Variants in CEP104 observed in about 807,000 individuals in gnomAD.
CEP104 encodes the protein centrosomal protein of 104 kDa.
In CEP104, 84 loss-of-function variants were observed where a neutral mutation model predicts 113.3. The ratio of observed to expected loss-of-function variants is 0.74; its 90% CI spans 0.62 to 0.89. The LOEUF (loss-of-function observed/expected upper bound fraction) is 0.89, where lower values mean the gene tolerates loss of function less well. Ranked by LOEUF, CEP104 falls within the 40% of genes least tolerant of loss-of-function variation. CEP104 has a pLI of 0.00. For missense variants in CEP104, 1,053 were observed against 1,156.6 expected, an observed-to-expected ratio of 0.91 and a Z score of 1.30; for synonymous variants, 378 against 421.7, an observed-to-expected ratio of 0.90 and a Z score of 1.27.
At chr1:3,847,672 C>G (rs190867585) in intron 3 of CEP104, 59 bp from the exon 4 acceptor site, 32 of 1,572,104 alleles carry the variant, frequency 2.0e-5, no homozygotes, top group Non-Finnish European at 5.2e-6. Context: ...AAACTGCTCC[C>G]TACTCTGATT....
Position 3,819,333 on chromosome 1 carries a change from G to A in CEP104, c.2572-2963C>T, listed in dbSNP as rs889690277. 5.3e-5 allele frequency among the ~76,000 whole-genome samples: 8 copies of A among 152,174 alleles called. No homozygotes were observed. Among genetic ancestry groups the A allele is most frequent in the African/African-American group, 1.9e-4 (8 of 41,434 alleles). Reference sequence around the variant, plus strand: ...TGGAGAGGGGGCTGGGGAGAAAAGGGGCGGCATGTAGGCAGTGTTGTCTTT... The same window carrying A: ...TGGAGAGGGGGCTGGGGAGAAAAGGAGCGGCATGTAGGCAGTGTTGTCTTT... On this transcript the variant is annotated intron_variant, in intron 20 of 21. Transcript: ENST00000378230. The surrounding 1 kb of genome is among the most constrained non-coding windows in gnomAD (Gnocchi z 4.6).
In CEP104 at chr1:3,843,308, C is replaced by T. The variant is rs1442772911; in HGVS notation, c.566+1599G>A. 7.6e-6 allele frequency: 5 copies of T among 657,544 alleles called. No individual in the cohort carries two copies. The African/African-American group carries it at 9.7e-5, about 13-fold the overall frequency. 40.7% of individuals were successfully genotyped at this position (657,544 alleles called of 1,614,324 possible). On this transcript the variant is annotated intron_variant, in intron 6 of 21. Coordinates refer to ENST00000378230, the MANE Select transcript of CEP104 (RefSeq NM_014704.4). ...TTAGCTCCCCAAAAGTGGATTCACCCCCGGTTCTTACACTGCTAAAAAAAA... is the reference window on the plus strand; with the variant it reads ...TTAGCTCCCCAAAAGTGGATTCACCTCCGGTTCTTACACTGCTAAAAAAAA...
At chr1:3,839,363 G>A (rs1644372641) in intron 7 of CEP104, among the ~76,000 whole-genome samples, 1 of 152,114 alleles carries the variant, frequency 6.6e-6, no homozygotes, top group Admixed American at 6.5e-5. Flanking sequence ...ATTGGGCTCA[G>A]GGTCCTAGTA....
At chr1:3,855,766 G>T in intron 1 of CEP104, 2 of 327,650 alleles carry the variant, frequency 6.1e-6, no homozygotes, top group Non-Finnish European at 8.8e-6. Flanking sequence ...AAGATACTTG[G>T]AATGTCACTG....
intron 9 of CEP104, 47 bp from the exon 10 acceptor site, chr1:3,836,739 TCA>T (rs770482429): frequency 1.0e-5 from 16 of 1,568,756 alleles, no homozygotes; most frequent in Admixed American, 6.7e-5. Context: ...GCTCCATAGG[TCA>T]CATTCTCCAG....
At chr1:3,835,271 G>C (rs1570806781) in intron 10 of CEP104, among the ~76,000 whole-genome samples, 179 bp from the exon 11 acceptor site, 1 of 151,840 alleles carries the variant, frequency 6.6e-6, no homozygotes, top group East Asian at 1.9e-4. Context: ...TATATTTAGA[G>C]AAATAATTTT....
chr1:3,816,542 G>A (rs1004603048), intron 20 of CEP104, 172 bp from the exon 21 acceptor site: 8 of 587,664 alleles, frequency 1.4e-5, no homozygotes, highest in African/African-American at 1.3e-4. Context: ...TGTTATGATA[G>A]CCTCTGCAGT....
rs1307828553 is a variant in CEP104 at position 3,852,511 on chromosome 1, C to T, written c.-14-90G>A. 8 of 1,190,010 alleles carry T rather than the reference C, an allele frequency of 6.7e-6. No homozygotes were observed. In the South Asian group the frequency reaches 1.1e-4, roughly 16 times the overall value. 73.7% of individuals were successfully genotyped at this position (1,190,010 alleles called of 1,614,324 possible). A position where few individuals can be genotyped will look rare whatever the true frequency, so the allele number is the denominator to read the frequency against. ...AGGGTTGGTTCATGCCTTGCTAACA[C>T]ACACAATAATGCACTAAGTATTCAG... is the stretch of plus-strand genomic sequence containing the variant. On this transcript the variant is annotated intron_variant, in intron 1 of 21. Transcript: ENST00000378230.
intron 2 of CEP104, among the ~76,000 whole-genome samples, chr1:3,851,354 C>T (rs2124698440): frequency 6.6e-6 from 1 of 152,248 alleles, no homozygotes; most frequent in South Asian, 2.1e-4. Flanking sequence ...ATTCAATTTT[C>T]AGCAACTTGA....
intron 11 of CEP104, 74 bp from the exon 12 acceptor site, chr1:3,834,109 T>C (rs559911816): frequency 3.1e-5 from 37 of 1,198,154 alleles, no homozygotes; most frequent in Admixed American, 1.4e-4. Flanking sequence ...GCATTTACTA[T>C]CAGTAACACA....
At chr1:3,856,000 T>C in intron 1 of CEP104, 1 of 949,386 alleles carries the variant, frequency 1.1e-6, no homozygotes, top group South Asian at 4.9e-5. Flanking sequence ...CTTTTCCTAG[T>C]GCTGGCATGG....
At chr1:3,839,269 G>T in intron 7 of CEP104, 150 bp from the exon 8 acceptor site, 2 of 722,896 alleles carry the variant, frequency 2.8e-6, no homozygotes, top group Non-Finnish European at 4.7e-6. Flanking sequence ...CTCAGCAAAG[G>T]TCTGGCTGCT....
At chr1:3,825,940 G>A (rs1389242454) in intron 17 of CEP104, 74 bp from the exon 18 acceptor site, 12 of 1,008,932 alleles carry the variant, frequency 1.2e-5, no homozygotes, top group South Asian at 3.9e-5. Context: ...CCCACGTCAC[G>A]AGGAAATTCT....
At chr1:3,820,471 C>CA (rs1299576486) in intron 20 of CEP104, among the ~76,000 whole-genome samples, 3 of 152,136 alleles carry the variant, frequency 2.0e-5, no homozygotes, top group Non-Finnish European at 4.4e-5. Flanking sequence ...TGGAGGAAGG[C>CA]GGATGGAAGC....
At chr1:3,837,737 T>G (rs1386048021) in intron 8 of CEP104, among the ~76,000 whole-genome samples, 1 of 152,262 alleles carries the variant, frequency 6.6e-6, no homozygotes, top group Non-Finnish European at 1.5e-5. Flanking sequence ...TCTCTCCACA[T>G]TTCTGTGTTG....
In CEP104 at chr1:3,825,752, C is replaced by G; in HGVS notation, c.2364+6G>C. On this transcript the variant is annotated splice_donor_region_variant and intron_variant, in intron 18 of 21. Transcript: ENST00000378230. ...AAGTAGCTGGCTGCTGTGCCGCTGG[C>G]CTGACCTGTTTGCAGTGGTCACATC... The G allele has an allele frequency of 6.3e-7, 1 of 1,595,230 alleles. No homozygotes were observed.
At chr1:3,845,663 C>T (rs764067386) in intron 4 of CEP104, among the ~76,000 whole-genome samples, 2 of 152,096 alleles carry the variant, frequency 1.3e-5, no homozygotes, top group Non-Finnish European at 1.5e-5. Flanking sequence ...ACACTGTTAT[C>T]AAATGGGATG....
Position 3,848,518 on chromosome 1 carries a change from C to T in CEP104, c.287+90G>A, listed in dbSNP as rs551096694. On this transcript the variant is annotated intron_variant, in intron 3 of 21. Coordinates refer to ENST00000378230, the MANE Select transcript of CEP104 (RefSeq NM_014704.4). ...CTGCACTCCAGCCTGGGTGACACAG[C>T]GAGACTCCATCTCAAAAAAAAAAAA... 631 of 1,052,924 alleles carry T rather than the reference C, an allele frequency of 6.0e-4. 1 individual carries two copies. The African/African-American group carries it at 9.6e-3, about 16-fold the overall frequency. 65.2% of individuals were successfully genotyped at this position (1,052,924 alleles called of 1,614,324 possible).
At chr1:3,852,448 T>C (rs781323501) in intron 1 of CEP104, 27 bp from the exon 2 acceptor site, 2 of 1,588,430 alleles carry the variant, frequency 1.3e-6, no homozygotes, top group South Asian at 1.1e-5. Context: ...GAAAAACTTC[T>C]TTAAAACAAA....
Sources: gnomAD v4.1 joint callset for allele counts (sites outside exome capture counted in the v4.1 genomes callset) on GRCh38, gnomAD v4.1.1 for gene constraint, Gnocchi (gnomAD v3.1) non-coding constraint, MANE v1.5 for transcripts, NCBI Gene and HGNC (gene_info 2026-07-23, HGNC 2026-07-21) for gene names.